DPP6: variants seen among roughly 807,000 people sequenced by gnomAD.
DPP6 encodes the protein A-type potassium channel modulatory protein DPP6.
A neutral mutation model predicts 122.6 loss-of-function variants in DPP6; 69 were observed. The observed-to-expected ratio is 0.56, with a 90% CI of 0.46 to 0.69. The LOEUF (loss-of-function observed/expected upper bound fraction) is 0.69, where lower values mean the gene tolerates loss of function less well. Ranked by LOEUF, DPP6 falls within the 30% of genes least tolerant of loss-of-function variation. The pLI is 0.00. For synonymous variants in DPP6, 418 were observed against 433.1 expected (o/e 0.97, Z 0.43); for missense variants, 928 against 1,116.9 (o/e 0.83, Z 2.41).
At chr7:153,891,285 G>A (rs910596159) in intron 1 of DPP6, among the ~76,000 whole-genome samples, 1 of 151,952 alleles carries the variant, frequency 6.6e-6, no homozygotes, top group South Asian at 2.1e-4. Context: ...GCCTCCCAAA[G>A]TGCTGGGATT....
In DPP6 at chr7:154,063,587, T is replaced by G. The variant is rs1444768570; in HGVS notation, c.243+10524T>G. Among the ~76,000 whole-genome samples the G allele has an allele frequency of 2.8e-3, 284 of 101,182 alleles. 3 individuals carry two copies. The highest frequency in any genetic ancestry group is 4.4e-3 in the Non-Finnish European group (218 of 49,006). The allele number at this position is 101,182 out of a possible 152,430, so 66.4% of individuals were successfully genotyped here. A position where few individuals can be genotyped will look rare whatever the true frequency, so the allele number is the denominator to read the frequency against. ...CCCCTCTTCCGCCTCTGGCTGATAG[T>G]ACCCCCATCGCAGTGAGGGAGGCAC... is the stretch of plus-strand genomic sequence containing the variant. On this transcript the variant is annotated intron_variant, in intron 1 of 25. Coordinates refer to ENST00000377770, the MANE Select transcript of DPP6 (RefSeq NM_130797.4).
chr7:154,079,042 C>T lies in DPP6; in HGVS notation c.243+25979C>T, dbSNP rs373058542. Among the ~76,000 whole-genome samples the T allele has an allele frequency of 3.4e-3, 515 of 150,998 alleles. 1 individual carries two copies. Among genetic ancestry groups the T allele is most frequent in the African/African-American group, 0.011 (462 of 41,056 alleles). On this transcript the variant is annotated intron_variant, in intron 1 of 25. Transcript: ENST00000377770. ...GGGAGGCCGAGGTGGGTGTATCACG[C>T]GGTCAGGAGATGGAGACCATCCTGG...
intron 1 of DPP6, among the ~76,000 whole-genome samples, chr7:153,893,040 A>G (rs1231566525): frequency 1.3e-5 from 2 of 152,202 alleles, no homozygotes; most frequent in Non-Finnish European, 2.9e-5. Flanking sequence ...AAACATGTTT[A>G]TGGCCCATTA....
intron 1 of DPP6, among the ~76,000 whole-genome samples, chr7:153,890,085 T>C (rs1799121651): frequency 6.6e-6 from 1 of 152,218 alleles, no homozygotes; most frequent in Non-Finnish European, 1.5e-5. Flanking sequence ...TCAGGTGATA[T>C]TTTACATTCA....
chr7:154,669,943 T>C (rs1838451530), intron 7 of DPP6, among the ~76,000 whole-genome samples: 2 of 152,128 alleles, frequency 1.3e-5, no homozygotes, highest in African/African-American at 4.8e-5. Context: ...CACTGCAACC[T>C]CCACCTCCTG....
chr7:154,315,866 C>G (rs1249092793), intron 1 of DPP6, among the ~76,000 whole-genome samples: 2 of 152,192 alleles, frequency 1.3e-5, no homozygotes, highest in African/African-American at 4.8e-5. Flanking sequence ...TTGAAGACCT[C>G]AAGACTTTAA....
At chr7:154,018,318 G>T (rs1020952392) in intron 1 of DPP6, among the ~76,000 whole-genome samples, 1 of 151,980 alleles carries the variant, frequency 6.6e-6, no homozygotes, top group Non-Finnish European at 1.5e-5. Context: ...GATCAATAAG[G>T]GGGTGAAAAA....
chr7:153,913,448 T>C (rs1800173573), intron 1 of DPP6, among the ~76,000 whole-genome samples: 1 of 152,200 alleles, frequency 6.6e-6, no homozygotes. Context: ...TTTCTTCATG[T>C]TTCTGTAAGC....
chr7:153,869,824 G>C, the DPP6 span, among the ~76,000 whole-genome samples: 157 of 152,184 alleles, frequency 1.0e-3, no homozygotes, highest in African/African-American at 3.4e-3. Flanking sequence ...CTTCCTTCAG[G>C]AGCTCTTTTA....
chr7:154,677,921 G>T (rs534645863), intron 7 of DPP6, among the ~76,000 whole-genome samples: 1 of 152,342 alleles, frequency 6.6e-6, no homozygotes, highest in Non-Finnish European at 1.5e-5. Context: ...TGCGGACTTG[G>T]AGAACTTTTC....
At chr7:154,212,606 G>A (rs10808007) in intron 1 of DPP6, among the ~76,000 whole-genome samples, 111,730 of 152,080 alleles carry the variant, frequency 0.73, 42,331 homozygotes, top group Non-Finnish European at 0.82. Flanking sequence ...GATGATCGAG[G>A]TCTCGGAGCT....
chr7:154,663,731 C>T (rs1480883681), intron 6 of DPP6, among the ~76,000 whole-genome samples: 1 of 75,976 alleles, frequency 1.3e-5, no homozygotes, highest in Non-Finnish European at 3.3e-5. Flanking sequence ...GGTGAATCAC[C>T]ATGGCGTATC....
chr7:153,808,431 CTGTGTGTGTGCGTGTG>C, the DPP6 span, among the ~76,000 whole-genome samples: 2 of 151,094 alleles, frequency 1.3e-5, no homozygotes, highest in African/African-American at 4.9e-5. Flanking sequence ...GTGTGTGTGA[CTGTGTGTGTGCGTGTG>C]TGTGTGTATG....
chr7:154,213,516 A>G (rs972273860), intron 1 of DPP6, among the ~76,000 whole-genome samples: 1 of 152,186 alleles, frequency 6.6e-6, no homozygotes, highest in African/African-American at 2.4e-5. Flanking sequence ...GATACAAAAG[A>G]ATCCAACCAC....
chr7:154,637,707 G>A (rs1268204878), intron 5 of DPP6, 114 bp from the exon 6 acceptor site: 9 of 1,044,608 alleles, frequency 8.6e-6, no homozygotes, highest in Non-Finnish European at 9.5e-6. Flanking sequence ...CCAGGTGTTG[G>A]GATTAGCTGC....
At chr7:154,223,916 T>C (rs1027823130) in intron 1 of DPP6, among the ~76,000 whole-genome samples, 1 of 148,700 alleles carries the variant, frequency 6.7e-6, no homozygotes, top group African/African-American at 2.6e-5. Context: ...AAACATGACC[T>C]GACCATTCCC....
chr7:154,575,426 G>GTATGTGTGTGGT (rs1586663014), intron 5 of DPP6, among the ~76,000 whole-genome samples: 2,890 of 36,456 alleles, frequency 0.079, 385 homozygotes, highest in East Asian at 0.61. Flanking sequence ...ATGTGTGTGT[G>GTATGTGTGTGGT]GTGTGTATGT....
chr7:154,520,149 C>G (rs1165846092), intron 3 of DPP6, among the ~76,000 whole-genome samples: 1 of 152,096 alleles, frequency 6.6e-6, no homozygotes, highest in African/African-American at 2.4e-5. Flanking sequence ...AAAGTCAGCT[C>G]TCAGCAGCAG....
At chr7:154,688,526 C>T (rs1237572253) in intron 7 of DPP6, among the ~76,000 whole-genome samples, 1 of 152,000 alleles carries the variant, frequency 6.6e-6, no homozygotes, top group African/African-American at 2.4e-5. Context: ...AGGGACAGAA[C>T]TAACAGGATA....
Sources: allele counts gnomAD v4.1 joint callset (sites outside exome capture counted in the v4.1 genomes callset), GRCh38; gene constraint gnomAD v4.1.1; transcripts MANE v1.5; gene names NCBI Gene and HGNC (gene_info 2026-07-23, HGNC 2026-07-21).